The following DMXL1 variants were observed in gnomAD, a reference collection of about 807,000 sequenced individuals.
The protein encoded by DMXL1 is dmX-like protein 1.
DMXL1 carries 99 observed loss-of-function variants against 319.2 expected under a neutral mutation model. The observed-to-expected ratio is 0.31, with a 90% CI of 0.26 to 0.37. DMXL1 has a LOEUF of 0.37. Among genes scored for constraint, DMXL1 ranks in the 10% least tolerant of loss-of-function variants. The pLI, the probability that DMXL1 is intolerant of heterozygous loss-of-function variation, is 1.00. For synonymous variants in DMXL1, 1,385 were observed against 1,235.2 expected (o/e 1.12, Z -2.54); for missense variants, 3,745 against 3,595.6 (o/e 1.04, Z -1.06).
intron 33 of DMXL1, 161 bp from the exon 34 acceptor site, chr5:119,206,673 T>A (rs1258738759): frequency 4.2e-6 from 2 of 471,026 alleles, no homozygotes; most frequent in Non-Finnish European, 7.4e-6. Flanking sequence ...CCCTCACACA[T>A]GCTTCTTATA....
intron 2 of DMXL1, among the ~76,000 whole-genome samples, chr5:119,101,692 A>G (rs1290189545): frequency 6.6e-6 from 1 of 152,208 alleles, no homozygotes; most frequent in Non-Finnish European, 1.5e-5. Context: ...AGTGTTGTAC[A>G]TATTATGAAC....
intron 28 of DMXL1, among the ~76,000 whole-genome samples, chr5:119,181,118 C>G (rs1021258745): frequency 2.0e-5 from 3 of 152,112 alleles, no homozygotes; most frequent in African/African-American, 7.2e-5. Context: ...ATTAACCACT[C>G]TAGTTGTTGG....
At chr5:119,239,801 C>CA (rs1343803496) in intron 41 of DMXL1, among the ~76,000 whole-genome samples, 2 of 150,490 alleles carry the variant, frequency 1.3e-5, no homozygotes, top group Non-Finnish European at 3.0e-5. Context: ...ACTAAAAATA[C>CA]AAAAAATTAG....
intron 6 of DMXL1, among the ~76,000 whole-genome samples, chr5:119,115,700 G>A (rs915695458): frequency 6.6e-6 from 1 of 151,898 alleles, no homozygotes; most frequent in Non-Finnish European, 1.5e-5. Context: ...ATTTTATATA[G>A]TATTTATATA....
At chr5:119,093,057 A>AT (rs1347862846) in intron 1 of DMXL1, among the ~76,000 whole-genome samples, 1 of 151,560 alleles carries the variant, frequency 6.6e-6, no homozygotes, top group Non-Finnish European at 1.5e-5. Context: ...AAGTATTATG[A>AT]TTTTTACAAA....
intron 10 of DMXL1, among the ~76,000 whole-genome samples, chr5:119,131,330 C>T (rs749298862): frequency 6.6e-6 from 1 of 152,044 alleles, no homozygotes; most frequent in Non-Finnish European, 1.5e-5. Flanking sequence ...ACATATTTAC[C>T]TGTATTGATA....
At chr5:119,212,218 T>G (rs1022021556) in intron 34 of DMXL1, among the ~76,000 whole-genome samples, 1 of 152,184 alleles carries the variant, frequency 6.6e-6, no homozygotes, top group African/African-American at 2.4e-5. Flanking sequence ...CCCATTCCTC[T>G]GGCGCCCACT....
intron 10 of DMXL1, 141 bp downstream of exon 10, chr5:119,129,564 C>G: frequency 1.6e-6 from 1 of 629,464 alleles, no homozygotes; most frequent in Non-Finnish European, 2.7e-6. Context: ...ATTTAATAAT[C>G]TAATGTAGAT....
intron 19 of DMXL1, among the ~76,000 whole-genome samples, chr5:119,155,242 C>A (rs758029360): frequency 3.3e-4 from 50 of 152,166 alleles, no homozygotes; most frequent in Non-Finnish European, 5.4e-4. Flanking sequence ...AAATACATTT[C>A]ATAAGGCTAT....
chr5:119,113,735 TTATCTACCTG>T (rs1180518901), intron 5 of DMXL1, among the ~76,000 whole-genome samples: 1 of 152,230 alleles, frequency 6.6e-6, no homozygotes, highest in Non-Finnish European at 1.5e-5. Context: ...CATTTGGTTT[TTATCTACCTG>T]TATCAACTTT....
intron 13 of DMXL1, among the ~76,000 whole-genome samples, chr5:119,141,712 C>T (rs1458355124): frequency 2.0e-5 from 3 of 152,096 alleles, no homozygotes; most frequent in Non-Finnish European, 4.4e-5. Context: ...AGATTCAATG[C>T]TATTCCTATC....
intron 10 of DMXL1, among the ~76,000 whole-genome samples, chr5:119,132,274 CCT>C (rs1765080918): frequency 6.6e-6 from 1 of 152,078 alleles, no homozygotes; most frequent in African/African-American, 2.4e-5. Context: ...GAAAGAGGCC[CCT>C]TTCTTGAGCA....
chr5:119,194,699 A>G (rs1779299514), intron 30 of DMXL1, among the ~76,000 whole-genome samples: 1 of 152,122 alleles, frequency 6.6e-6, no homozygotes, highest in Admixed American at 6.5e-5. Flanking sequence ...TACTTTTTGA[A>G]TATATAAATC....
intron 33 of DMXL1, among the ~76,000 whole-genome samples, chr5:119,204,558 G>GTTT (rs746507917): frequency 7.3e-6 from 1 of 137,606 alleles, no homozygotes; most frequent in African/African-American, 2.6e-5. Context: ...ATCATAATGG[G>GTTT]TTTTTTTTTT....
intron 43 of DMXL1, among the ~76,000 whole-genome samples, chr5:119,244,777 T>A (rs1007243831): frequency 6.6e-6 from 1 of 152,262 alleles, no homozygotes; most frequent in Admixed American, 6.5e-5. Context: ...TTTGAAAATA[T>A]GTTTAATTCA....
chr5:119,181,798 C>T (rs1243660822), intron 28 of DMXL1, among the ~76,000 whole-genome samples: 1 of 151,550 alleles, frequency 6.6e-6, no homozygotes, highest in East Asian at 1.9e-4. Context: ...GGCGACAGAG[C>T]GAGACTCCAT....
chr5:119,145,411 T>A (rs1312410791), intron 15 of DMXL1, among the ~76,000 whole-genome samples: 1 of 151,834 alleles, frequency 6.6e-6, no homozygotes, highest in African/African-American at 2.4e-5. Context: ...TCTATCAGTT[T>A]TCTCTGAGTT....
intron 19 of DMXL1, among the ~76,000 whole-genome samples, chr5:119,164,055 A>G (rs1203689744): frequency 3.3e-5 from 5 of 151,426 alleles, no homozygotes. Context: ...GAGTCTTTGC[A>G]GTGCTATTCC....
rs752949310 is a variant in DMXL1 at position 119,196,478 on chromosome 5, G to T, written c.7543+22G>T. 3 of 1,513,020 alleles carry T rather than the reference G, an allele frequency of 2.0e-6. No homozygotes were observed. In the East Asian group the frequency reaches 6.8e-5, roughly 34 times the overall value. The allele number at this position is 1,513,020 out of a possible 1,614,324, so 93.7% of individuals were successfully genotyped here. A position where few individuals can be genotyped will look rare whatever the true frequency, so the allele number is the denominator to read the frequency against. Reference sequence around the variant, plus strand: ...GCAGGTAATAAATAGCTCAACATGAGCTAATGGTGCCATTGCTTTTGACTT... The same window carrying T: ...GCAGGTAATAAATAGCTCAACATGATCTAATGGTGCCATTGCTTTTGACTT... On this transcript the variant is annotated intron_variant, in intron 31 of 43. Transcript: ENST00000539542.
Sources: gnomAD v4.1 joint callset for allele counts (sites outside exome capture counted in the v4.1 genomes callset) on GRCh38, gnomAD v4.1.1 for gene constraint, MANE v1.5 for transcripts, NCBI Gene and HGNC (gene_info 2026-07-23, HGNC 2026-07-21) for gene names.